FTCD: variants seen among roughly 807,000 people sequenced by gnomAD.
FTCD encodes the protein formimidoyltransferase cyclodeaminase, also known as formimidoyltransferase-cyclodeaminase.
FTCD carries 76 observed loss-of-function variants against 62.9 expected under a neutral mutation model. That is an observed-to-expected ratio of 1.21 (90% CI 1.00 to 1.46). The LOEUF is 1.46. Ranked by LOEUF, FTCD falls within the 40% of genes most tolerant of loss-of-function variation. The probability of loss-of-function intolerance (pLI) is 0.00; values close to 1 mark genes in which losing one functional copy is unlikely to be tolerated. For missense variants in FTCD, 845 were observed against 751.3 expected (o/e 1.12, Z -1.46); for synonymous variants, 397 against 336.9 (o/e 1.18, Z -1.95).
chr21:46,136,866 G>A lies in FTCD; in HGVS notation c.*121C>T. 6.4e-7 allele frequency: 1 copy of A among 1,561,454 alleles called. No individual in the cohort carries two copies. Among genetic ancestry groups the A allele is most frequent in the Non-Finnish European group, 8.7e-7 (1 of 1,153,494 alleles). ...CTCCATTCCCAGGCGATGCCCCGCTGCCTGCCCACCTACCCTCCGGGCCCC... is the reference window on the plus strand; with the variant it reads ...CTCCATTCCCAGGCGATGCCCCGCTACCTGCCCACCTACCCTCCGGGCCCC... On this transcript the variant is annotated 3_prime_UTR_variant, in exon 14 of 14. Transcript: ENST00000397746.
At position 46,145,824 on chromosome 21, in the gene FTCD, C is replaced by T. The variant is rs1336695997; in HGVS notation, c.1092G>A (p.Ala364=). The part of the protein sequence containing the change: ...PGGGSVAAAA[A]AMGAALGSMV... ...CCCCTCCCCCCGCGCTCACCATGGC[C>T]GCAGCGGCCGCCGCCACCGAGCCGC... is the stretch of plus-strand genomic sequence containing the variant. The change falls in exon 9 of 14, where the codon GCG becomes GCA. Residue 364 remains alanine (A), a synonymous_variant. Coordinates refer to ENST00000397746, the MANE Select transcript of FTCD (RefSeq NM_206965.2). 1.7e-5 allele frequency: 19 copies of T among 1,143,970 alleles called. No homozygotes were observed. Among genetic ancestry groups the T allele is most frequent in the East Asian group, 3.3e-5 (1 of 30,714 alleles). The allele number at this position is 1,143,970 out of a possible 1,614,324, so 70.9% of individuals were successfully genotyped here. A position where few individuals can be genotyped will look rare whatever the true frequency, so the allele number is the denominator to read the frequency against.
At position 46,137,233 on chromosome 21, in the gene FTCD, G is replaced by A. The variant is rs766664306; in HGVS notation, c.1539+6C>T. On this transcript the variant is annotated splice_donor_region_variant and intron_variant, in intron 13 of 13. Coordinates refer to ENST00000397746, the MANE Select transcript of FTCD (RefSeq NM_206965.2). ...GGTCCGGGCACCACACCTGCCTCCT[G>A]CTCACCTGGTCCTTAAATGCCTCGT... 2.2e-5 allele frequency: 35 copies of A among 1,607,024 alleles called. No individual in the cohort carries two copies. The highest frequency in any genetic ancestry group is 5.5e-5 in the South Asian group (5 of 90,942).
intron 10 of FTCD, chr21:46,142,719 T>G (rs1006598096): frequency 6.6e-6 from 1 of 152,252 alleles, no homozygotes; most frequent in African/African-American, 2.4e-5. Flanking sequence ...GCTTGCTGGT[T>G]TCGGTGGCCA....
chr21:46,141,747 G>A (rs1197671709), intron 10 of FTCD, among the ~76,000 whole-genome samples: 2 of 151,960 alleles, frequency 1.3e-5, no homozygotes, highest in African/African-American at 2.4e-5. Flanking sequence ...GGCAGCGAAA[G>A]CCCCAAGAGA....
Position 46,136,936 on chromosome 21 carries a change from T to C in FTCD, c.*51A>G, listed in dbSNP as rs780042170. On this transcript the variant is annotated 3_prime_UTR_variant, in exon 14 of 14. Coordinates refer to ENST00000397746, the MANE Select transcript of FTCD (RefSeq NM_206965.2). ...CCACCGAGGTCACAGCTCTGCCCTC[T>C]GGGGATGGGCGAGGGAGGGGCCACA... is the stretch of plus-strand genomic sequence containing the variant. 2 of 1,611,822 alleles carry C rather than the reference T, an allele frequency of 1.2e-6. No homozygotes were observed. Among genetic ancestry groups the C allele is most frequent in the Non-Finnish European group, 8.5e-7 (1 of 1,179,572 alleles).
chr21:46,150,442 G>A lies in FTCD; in HGVS notation c.720C>T (p.Asp240=). ...CCGTGTGCAGTGCCGTGACCTCAAA[G>A]TCCAGAAGATTGGTGGACACCTGAG... The part of the protein sequence containing the change: ...NLAQVSTNLL[D]FEVTALHTVY... The change falls in exon 6 of 14, where the codon GAC becomes GAT. Residue 240 remains aspartate, a synonymous_variant. Transcript: ENST00000397746. 6.2e-7 allele frequency: 1 copy of A among 1,613,204 alleles called. No homozygotes were observed. Among genetic ancestry groups the A allele is most frequent in the Non-Finnish European group, 8.5e-7 (1 of 1,179,870 alleles).
At chr21:46,145,739 C>G (rs2079126646) in intron 9 of FTCD, 79 bp downstream of exon 9, 1 of 377,696 alleles carries the variant, frequency 2.6e-6, no homozygotes, top group Admixed American at 6.4e-5. Flanking sequence ...ACCCCGTGCC[C>G]TCCCCCCAAC....
chr21:46,136,317 G>C (rs1028197259), downstream of FTCD: 1 of 817,302 alleles, frequency 1.2e-6, no homozygotes. Flanking sequence ...GAGGCTGGCT[G>C]GGCAGGGAGC....
At chr21:46,146,009 C>T in intron 8 of FTCD, 62 bp from the exon 9 acceptor site, 3 of 1,066,370 alleles carry the variant, frequency 2.8e-6, no homozygotes, top group East Asian at 2.7e-5. Flanking sequence ...GCAGTCCTCC[C>T]GGGGCGGCCC....
chr21:46,146,353 C>T, intron 7 of FTCD, 26 bp from the exon 8 acceptor site: 3 of 1,531,372 alleles, frequency 2.0e-6, no homozygotes, highest in South Asian at 2.3e-5. Context: ...GGAGTGGAAA[C>T]GGCCTCGGCG....
chr21:46,149,810 C>T (rs963439541), intron 7 of FTCD, among the ~76,000 whole-genome samples: 3 of 152,144 alleles, frequency 2.0e-5, no homozygotes, highest in Non-Finnish European at 4.4e-5. Flanking sequence ...CAGGACGCCC[C>T]GATGGAGGTG....
intron 10 of FTCD, among the ~76,000 whole-genome samples, chr21:46,144,821 C>G (rs1444053987): frequency 2.0e-5 from 3 of 148,898 alleles, no homozygotes; most frequent in Non-Finnish European, 4.5e-5. Context: ...ACTGCCCTTT[C>G]CCAGGCTCTC....
At chr21:46,140,545 A>G (rs190233110) in intron 10 of FTCD, among the ~76,000 whole-genome samples, 2 of 145,264 alleles carry the variant, frequency 1.4e-5, no homozygotes, top group East Asian at 4.1e-4. Context: ...GAGGGAGTGT[A>G]AACCAACCCA....
chr21:46,146,187 C>T, intron 8 of FTCD, 79 bp downstream of exon 8: 2 of 1,041,064 alleles, frequency 1.9e-6, no homozygotes, highest in South Asian at 2.7e-5. Context: ...GGTCTCCACG[C>T]AGGGACCCCA....
rs774194532 is a variant in FTCD, at chr21:46,138,656, G to C, written c.1305-10C>G. 3.8e-6 allele frequency: 6 copies of C among 1,596,066 alleles called. No homozygotes were observed. The African/African-American group carries it at 4.0e-5, about 11-fold the overall frequency. The stretch of plus-strand genomic sequence containing the variant: ...TAGGGCCGCCGTGCGCCTGAAAGGA[G>C]CAAGAGGAGAGCCTGAGCACAGCGG... On this transcript the variant is annotated splice_polypyrimidine_tract_variant and intron_variant, in intron 11 of 13. Coordinates refer to ENST00000397746, the MANE Select transcript of FTCD (RefSeq NM_206965.2).
chr21:46,137,187 T>C (rs1241551838), intron 13 of FTCD, 52 bp downstream of exon 13: 22 of 1,582,672 alleles, frequency 1.4e-5, no homozygotes, highest in South Asian at 4.4e-5. Flanking sequence ...CCTGAGGCTG[T>C]GAATCCAGGC....
At chr21:46,150,081 ACG>A (rs1441855959) in intron 7 of FTCD, 36 bp downstream of exon 7, 1 of 1,331,664 alleles carries the variant, frequency 7.5e-7, no homozygotes, top group African/African-American at 1.5e-5. Flanking sequence ...CCCTCCCTGC[ACG>A]CCCCTGTCCG....
At position 46,137,309 on chromosome 21, in the gene FTCD, C is replaced by A. The variant is rs1293430912; in HGVS notation, c.1469G>T (p.Gly490Val). 6.2e-7 allele frequency: 1 copy of A among 1,613,742 alleles called. No homozygotes were observed. Among genetic ancestry groups the A allele is most frequent in the Non-Finnish European group, 8.5e-7 (1 of 1,179,892 alleles). Residue 490 changes from glycine (G) to valine (V), a missense_variant, in exon 13 of 14, where the codon GGC becomes GTC. Transcript: ENST00000397746. ...CACGTTGAAATATGCGCCAAACACG[C>A]CCATCTCCAGGGCTTTGGCCGCCAC... ...LQVAAKALEMGVFGAYFNVLI... is the reference protein window; with the variant it reads ...LQVAAKALEMVVFGAYFNVLI...
rs149353938 is a variant in FTCD at position 46,149,432 on chromosome 21, C to T, written c.906+687G>A. 9.9e-5 allele frequency among the ~76,000 whole-genome samples: 15 copies of T among 152,226 alleles called. No individual in the cohort carries two copies. The East Asian group carries it at 1.3e-3, about 14-fold the overall frequency. The stretch of plus-strand genomic sequence containing the variant: ...AAACAAGGACGGAATCCACAAGTCA[C>T]GAGAGCTAAATCAGTAAAAACACAA... On this transcript the variant is annotated intron_variant, in intron 7 of 13. Coordinates refer to ENST00000397746, the MANE Select transcript of FTCD (RefSeq NM_206965.2).
Sources: allele counts gnomAD v4.1 joint callset (sites outside exome capture counted in the v4.1 genomes callset), GRCh38; gene constraint gnomAD v4.1.1; transcripts MANE v1.5; gene names NCBI Gene and HGNC (gene_info 2026-07-23, HGNC 2026-07-21).